The following TEX36 variants were observed in gnomAD, a reference collection of about 807,000 sequenced individuals.
TEX36 encodes testis-expressed protein 36.
Under a neutral mutation model 13.6 loss-of-function variants are expected in TEX36, and 12 were observed. The ratio of observed to expected loss-of-function variants is 0.88; its 90% CI spans 0.56 to 1.43. The LOEUF is 1.43. TEX36 is among the 40% of genes most tolerant of loss of function. The probability of loss-of-function intolerance (pLI) is 0.00; values close to 1 mark genes in which losing one functional copy is unlikely to be tolerated. For synonymous variants in TEX36, 93 were observed against 83.0 expected, an observed-to-expected ratio of 1.12 and a Z score of -0.65; for missense variants, 224 against 228.3, an observed-to-expected ratio of 0.98 and a Z score of 0.12.
chr10:125,616,438 C>G (rs1349803719), intron 3 of TEX36, among the ~76,000 whole-genome samples: 4 of 128,472 alleles, frequency 3.1e-5, no homozygotes, highest in Non-Finnish European at 4.9e-5. Context: ...ATAAATTTCC[C>G]TCTACACACT....
chr10:125,633,295 G>C (rs1565179423), intron 3 of TEX36, among the ~76,000 whole-genome samples: 1 of 152,144 alleles, frequency 6.6e-6, no homozygotes, highest in South Asian at 2.1e-4. Flanking sequence ...AAATCCGTAG[G>C]GATCAACATC....
At chr10:125,594,370 T>C (rs1279984333) in intron 3 of TEX36, among the ~76,000 whole-genome samples, 2 of 152,132 alleles carry the variant, frequency 1.3e-5, no homozygotes, top group Non-Finnish European at 2.9e-5. Context: ...ACTGAATTCA[T>C]AGTGAAAATC....
In TEX36 at chr10:125,661,027, A is replaced by G. The variant is rs1247766560; in HGVS notation, c.258T>C (p.Leu86=). The G allele has an allele frequency of 2.6e-6, 4 of 1,551,180 alleles. No individual in the cohort carries two copies. Among genetic ancestry groups the G allele is most frequent in the Non-Finnish European group, 3.5e-6 (4 of 1,146,438 alleles). Residue 86 remains leucine, a synonymous_variant, in exon 3 of 4, where the codon CTT becomes CTC. Coordinates refer to ENST00000368821, the MANE Select transcript of TEX36 (RefSeq NM_001128202.3). ...RHSLENSGCY[L]DSGLGRKKIS... ...TTTGGAAAGAAATACTCACGGAGTC[A>G]AGGTAGCATCCAGAGTTCTCCAAGC...
chr10:125,678,465 C>A (rs1012310045), intron 1 of TEX36, among the ~76,000 whole-genome samples: 1 of 151,604 alleles, frequency 6.6e-6, no homozygotes, highest in Non-Finnish European at 1.5e-5. Context: ...TAAGCTGGCA[C>A]CTGTTTTGGC....
At chr10:125,608,985 A>C (rs967032151) in intron 3 of TEX36, among the ~76,000 whole-genome samples, 1 of 141,800 alleles carries the variant, frequency 7.1e-6, no homozygotes, top group African/African-American at 2.8e-5. Context: ...AAAAAAAAAA[A>C]AAAAAAGAAA....
rs189149126 is a variant in TEX36 at position 125,662,696 on chromosome 10, A to T, written c.52-719T>A. On this transcript the variant is annotated intron_variant, in intron 1 of 3. Transcript: ENST00000368821. ...GGCCACTCAGAGCTGGGGAGAGGGG[A>T]CCCAGTCTCTGTGCACCAAGCAATG... Among the ~76,000 whole-genome samples, 13 of 152,112 alleles carry T rather than the reference A, an allele frequency of 8.5e-5. No homozygotes were observed. The East Asian group carries it at 2.3e-3, about 27-fold the overall frequency.
intron 3 of TEX36, among the ~76,000 whole-genome samples, chr10:125,608,062 T>G (rs1846237045): frequency 6.6e-6 from 1 of 152,176 alleles, no homozygotes; most frequent in South Asian, 2.1e-4. Flanking sequence ...GATCTGGCTC[T>G]CACAGAGCTT....
chr10:125,576,841 G>C, exon 4 of TEX36: 1 of 1,536,084 alleles, frequency 6.5e-7, no homozygotes. Flanking sequence ...CTCTTGTCTG[G>C]TTCTCCCTGT....
downstream of TEX36, among the ~76,000 whole-genome samples, chr10:125,616,984 A>G (rs2133556342): frequency 6.6e-6 from 1 of 152,308 alleles, no homozygotes; most frequent in East Asian, 1.9e-4. Flanking sequence ...TTGGGTGCAT[A>G]TGTATTTAGG....
intron 3 of TEX36, among the ~76,000 whole-genome samples, chr10:125,637,194 A>C (rs1456307997): frequency 1.3e-5 from 2 of 151,982 alleles, no homozygotes; most frequent in Non-Finnish European, 2.9e-5. Flanking sequence ...CTGTGGTCTC[A>C]ACTACGTGGG....
intron 1 of TEX36, among the ~76,000 whole-genome samples, chr10:125,671,657 G>A (rs191965894): frequency 6.6e-6 from 1 of 152,284 alleles, no homozygotes; most frequent in Non-Finnish European, 1.5e-5. Context: ...AAATGAGTTA[G>A]GAAGAAGTAC....
chr10:125,618,609 G>C (rs1017396618), downstream of TEX36, among the ~76,000 whole-genome samples: 1 of 151,984 alleles, frequency 6.6e-6, no homozygotes, highest in African/African-American at 2.4e-5. Context: ...GGGGGTCAGG[G>C]GTCACATTTT....
Position 125,630,934 on chromosome 10 carries a change from G to A in TEX36, c.265-9289C>T, listed in dbSNP as rs186815207. On this transcript the variant is annotated intron_variant, in intron 3 of 3. Transcript: ENST00000526819. Reference sequence around the variant, plus strand: ...CTGTAGCACAGATGGGCAGGAGGGGGTCAGGCTCCAGGGAAGGGTGGGAAT... The same window carrying A: ...CTGTAGCACAGATGGGCAGGAGGGGATCAGGCTCCAGGGAAGGGTGGGAAT... 3.6e-3 allele frequency among the ~76,000 whole-genome samples: 554 copies of A among 152,248 alleles called. 2 individuals are homozygous for A. Among genetic ancestry groups the A allele is most frequent in the African/African-American group, 0.012 (486 of 41,544 alleles).
rs34180628 is a variant in TEX36, at chr10:125,613,281, ATTTT to A, written c.265-36411_265-36408del. ...TATTTATTTATTTATTTATTTATTT[ATTTT>A]TATTATTATTATACTTTAAGTTTTA... On this transcript the variant is annotated intron_variant, in intron 3 of 3. Transcript: ENST00000532135. Among the ~76,000 whole-genome samples the A allele has an allele frequency of 3.8e-4, 21 of 55,676 alleles. No individual in the cohort carries two copies. The East Asian group carries it at 8.1e-3, about 22-fold the overall frequency. 36.5% of individuals were successfully genotyped at this position (55,676 alleles called of 152,430 possible).
At chr10:125,616,358 T>C (rs1846358717) in intron 3 of TEX36, among the ~76,000 whole-genome samples, 1 of 146,866 alleles carries the variant, frequency 6.8e-6, no homozygotes, top group Non-Finnish European at 1.5e-5. Context: ...GCTTTTCTAG[T>C]TCTTTTAATT....
intron 3 of TEX36, among the ~76,000 whole-genome samples, chr10:125,648,598 T>C (rs1846807343): frequency 6.6e-6 from 1 of 152,322 alleles, no homozygotes; most frequent in African/African-American, 2.4e-5. Flanking sequence ...AGAGTGCCTC[T>C]TCTCCAAAGG....
chr10:125,603,121 A>G (rs1846169908), intron 3 of TEX36, among the ~76,000 whole-genome samples: 2 of 152,206 alleles, frequency 1.3e-5, no homozygotes, highest in Admixed American at 6.5e-5. Context: ...AGCGATGACC[A>G]TCTGCGGACA....
chr10:125,676,321 G>C (rs1032257835), intron 1 of TEX36, among the ~76,000 whole-genome samples: 1 of 152,162 alleles, frequency 6.6e-6, no homozygotes, highest in Non-Finnish European at 1.5e-5. Flanking sequence ...ATTTAGAACT[G>C]TTATATCCTC....
chr10:125,655,925 T>G lies in TEX36; in HGVS notation c.536A>C (p.Lys179Thr). Residue 179 changes from lysine to threonine, a missense_variant, in exon 4 of 4, where the codon AAG (lysine) becomes ACG (threonine). Coordinates refer to ENST00000368821, the MANE Select transcript of TEX36 (RefSeq NM_001128202.3). The stretch of plus-strand genomic sequence containing the variant: ...TTAGGACTCCAGTGAAGAAACAACC[T>G]TTTTGTCAACAGTGAACCTTACTTT... The part of the protein sequence containing the change: ...KPKVRFTVDK[K>T]VVSSLES The G allele has an allele frequency of 6.5e-7, 1 of 1,532,918 alleles. No individual in the cohort carries two copies. The highest frequency in any genetic ancestry group is 8.8e-7 in the Non-Finnish European group (1 of 1,138,286). 95.0% of individuals were successfully genotyped at this position (1,532,918 alleles called of 1,614,324 possible).
Sources: gnomAD v4.1 joint callset for allele counts (sites outside exome capture counted in the v4.1 genomes callset) on GRCh38, gnomAD v4.1.1 for gene constraint, MANE v1.5 for transcripts, NCBI Gene and HGNC (gene_info 2026-07-23, HGNC 2026-07-21) for gene names.